The following BRINP3 variants were observed in gnomAD, a reference collection of about 807,000 sequenced individuals.
BRINP3 encodes BMP/retinoic acid inducible neural specific 3, also known as BMP/retinoic acid-inducible neural-specific protein 3.
In BRINP3, 19 loss-of-function variants were observed where a neutral mutation model predicts 71.0. That is an observed-to-expected ratio of 0.27 (90% CI 0.19 to 0.39). The LOEUF is 0.39. BRINP3 is among the 10% of genes least tolerant of loss of function. The pLI is 1.00. For missense variants in BRINP3, 959 were observed against 940.8 expected (o/e 1.02, Z -0.25); for synonymous variants, 380 against 337.7 (o/e 1.13, Z -1.37).
intron 2 of BRINP3, among the ~76,000 whole-genome samples, chr1:190,451,073 GATAAT>G (rs1393397611): frequency 6.6e-6 from 1 of 151,684 alleles, no homozygotes; most frequent in African/African-American, 2.4e-5. Context: ...ATCAAGTTGT[GATAAT>G]ATGACATGTC....
chr1:190,357,699 T>C (rs540978519), intron 2 of BRINP3, among the ~76,000 whole-genome samples: 7 of 152,116 alleles, frequency 4.6e-5, no homozygotes, highest in Admixed American at 3.9e-4. Context: ...TTTCCAATTC[T>C]GTGAAGAAAG....
At chr1:190,376,768 T>G (rs1670211040) in intron 2 of BRINP3, among the ~76,000 whole-genome samples, 1 of 152,098 alleles carries the variant, frequency 6.6e-6, no homozygotes, top group African/African-American at 2.4e-5. Context: ...TTCTAAGTTC[T>G]GCCGATGTTA....
rs369694357 is a variant in BRINP3 at position 190,417,246 on chromosome 1, A to C, written c.236+37409T>G. Among the ~76,000 whole-genome samples the C allele has an allele frequency of 1.5e-4, 23 of 152,184 alleles. 1 individual carries two copies. Among genetic ancestry groups the C allele is most frequent in the African/African-American group, 5.5e-4 (23 of 41,458 alleles). On this transcript the variant is annotated intron_variant, in intron 2 of 7. Transcript: ENST00000367462. ...TAAAACCTATCTGGCTCTTAACAAA[A>C]AAAAAATCATTTTGCCATAAAAGAA...
At chr1:190,227,881 G>T (rs911771434) in intron 5 of BRINP3, among the ~76,000 whole-genome samples, 3 of 151,860 alleles carry the variant, frequency 2.0e-5, no homozygotes, top group Non-Finnish European at 2.9e-5. Context: ...AGGGAATATA[G>T]AATTAATTCA....
intron 1 of BRINP3, among the ~76,000 whole-genome samples, chr1:190,467,856 AAC>A (rs994922165): frequency 5.9e-5 from 9 of 151,714 alleles, no homozygotes; most frequent in African/African-American, 9.6e-5. Context: ...GATTTTTGAT[AAC>A]AGTCTTTACA....
chr1:190,233,706 G>A (rs1008956013), intron 5 of BRINP3, among the ~76,000 whole-genome samples: 3 of 152,236 alleles, frequency 2.0e-5, no homozygotes, highest in Middle Eastern at 3.4e-3. Flanking sequence ...TGTTCAACTA[G>A]TAGTGTTTAA....
chr1:190,267,763 G>T (rs988466600), intron 3 of BRINP3, among the ~76,000 whole-genome samples: 5 of 151,766 alleles, frequency 3.3e-5, no homozygotes, highest in Admixed American at 2.6e-4. Context: ...CTTAAAAACA[G>T]GGAAGAATTA....
At chr1:190,341,712 A>T (rs988654554) in intron 2 of BRINP3, among the ~76,000 whole-genome samples, 1 of 151,800 alleles carries the variant, frequency 6.6e-6, no homozygotes, top group Non-Finnish European at 1.5e-5. Flanking sequence ...TCAAAGTTCC[A>T]TAGTTGAAAA....
intron 2 of BRINP3, among the ~76,000 whole-genome samples, chr1:190,414,797 C>A (rs1672908125): frequency 6.6e-6 from 1 of 152,158 alleles, no homozygotes; most frequent in South Asian, 2.1e-4. Context: ...CAGTCTCTCC[C>A]ATACTCATGG....
At chr1:190,174,864 T>G (rs113179556) in intron 6 of BRINP3, among the ~76,000 whole-genome samples, 5 of 152,146 alleles carry the variant, frequency 3.3e-5, no homozygotes, top group Admixed American at 3.3e-4. Context: ...AACAAAACTT[T>G]GACAGTTATC....
At chr1:190,209,565 A>G (rs1655807253) in intron 6 of BRINP3, among the ~76,000 whole-genome samples, 1 of 152,158 alleles carries the variant, frequency 6.6e-6, no homozygotes, top group Admixed American at 6.6e-5. Context: ...AATGAGAACC[A>G]GTAATATTTG....
intron 2 of BRINP3, among the ~76,000 whole-genome samples, chr1:190,414,675 C>A (rs1264188150): frequency 6.6e-6 from 1 of 152,126 alleles, no homozygotes; most frequent in Non-Finnish European, 1.5e-5. Flanking sequence ...CCACCAATAT[C>A]CATTTACATC....
At chr1:190,247,446 A>C (rs190246518) in intron 4 of BRINP3, among the ~76,000 whole-genome samples, 9 of 152,070 alleles carry the variant, frequency 5.9e-5, no homozygotes, top group Non-Finnish European at 1.0e-4. Flanking sequence ...GTCTATGCTG[A>C]TGGATGAATA....
At chr1:190,134,159 A>C (rs1654777115) in intron 7 of BRINP3, among the ~76,000 whole-genome samples, 1 of 152,076 alleles carries the variant, frequency 6.6e-6, no homozygotes, top group African/African-American at 2.4e-5. Flanking sequence ...ATAATAATAC[A>C]TGAGGTCTAC....
intron 2 of BRINP3, among the ~76,000 whole-genome samples, chr1:190,320,271 TAATA>T (rs556186477): frequency 2.4e-4 from 36 of 152,178 alleles, no homozygotes; most frequent in Non-Finnish European, 5.1e-4. Context: ...GAAAGATTAA[TAATA>T]AATAAGATAA....
intron 6 of BRINP3, among the ~76,000 whole-genome samples, chr1:190,199,497 GTTAGT>G (rs1484367464): frequency 6.6e-6 from 1 of 151,998 alleles, no homozygotes; most frequent in Non-Finnish European, 1.5e-5. Context: ...GGCTCTAATG[GTTAGT>G]TTAGTATTAT....
intron 4 of BRINP3, among the ~76,000 whole-genome samples, chr1:190,261,885 A>G (rs1661214911): frequency 3.9e-5 from 6 of 152,196 alleles, no homozygotes; most frequent in Admixed American, 3.3e-4. Context: ...AGCACTTTAC[A>G]TCGAATTGTT....
At chr1:190,143,447 C>T (rs1160424490) in intron 7 of BRINP3, among the ~76,000 whole-genome samples, 1 of 152,138 alleles carries the variant, frequency 6.6e-6, no homozygotes, top group Non-Finnish European at 1.5e-5. Flanking sequence ...AGAAAACAGC[C>T]TTTTCCTAAG....
rs1239707262 is a variant in BRINP3 at position 190,466,623 on chromosome 1, G to T, written c.-51+10825C>A. Reference sequence around the variant, plus strand: ...TTCAACATTTTTAACCGAGGAATGTGTGTTACAAATATTATTAGTAAACCC... The same window carrying T: ...TTCAACATTTTTAACCGAGGAATGTTTGTTACAAATATTATTAGTAAACCC... On this transcript the variant is annotated intron_variant, in intron 1 of 7. Coordinates refer to ENST00000367462, the MANE Select transcript of BRINP3 (RefSeq NM_199051.3). Among the ~76,000 whole-genome samples, 25 of 151,610 alleles carry T rather than the reference G, an allele frequency of 1.6e-4. 1 individual carries two copies. The highest frequency in any genetic ancestry group is 1.6e-3 in the Admixed American group (25 of 15,188).
Sources: gnomAD v4.1 joint callset for allele counts (sites outside exome capture counted in the v4.1 genomes callset) on GRCh38, gnomAD v4.1.1 for gene constraint, MANE v1.5 for transcripts, NCBI Gene and HGNC (gene_info 2026-07-23, HGNC 2026-07-21) for gene names.